FOXN2: variants seen among roughly 807,000 people sequenced by gnomAD.
The protein encoded by FOXN2 is forkhead box N2, also known as forkhead box protein N2.
FOXN2 carries 19 observed loss-of-function variants against 41.2 expected under a neutral mutation model. The observed-to-expected ratio is 0.46, with a 90% CI of 0.32 to 0.68. The LOEUF is 0.68. Among genes scored for constraint, FOXN2 ranks in the 30% least tolerant of loss-of-function variants. The pLI is 0.03. For synonymous variants in FOXN2, 195 were observed against 176.8 expected, an observed-to-expected ratio of 1.10 and a Z score of -0.82; for missense variants, 587 against 509.4, an observed-to-expected ratio of 1.15 and a Z score of -1.47.
intron 1 of FOXN2, among the ~76,000 whole-genome samples, chr2:48,321,049 T>G (rs1572692071): frequency 6.6e-6 from 1 of 152,176 alleles, no homozygotes; most frequent in African/African-American, 2.4e-5. Context: ...AGATACTGTT[T>G]CAGTTTTCTA....
intron 2 of FOXN2, among the ~76,000 whole-genome samples, chr2:48,338,601 G>A (rs929428598): frequency 2.6e-5 from 4 of 151,924 alleles, no homozygotes; most frequent in Admixed American, 6.6e-5. Flanking sequence ...GGGTTTCACC[G>A]TGCTAGTCAG....
chr2:48,345,245 G>C (rs2104365019), intron 2 of FOXN2, among the ~76,000 whole-genome samples: 2 of 152,242 alleles, frequency 1.3e-5, no homozygotes, highest in Admixed American at 1.3e-4. Flanking sequence ...ATTTAATTTA[G>C]CTAATGATAA....
chr2:48,375,836 C>G lies in FOXN2; in HGVS notation c.*393C>G, dbSNP rs1353238246. The stretch of plus-strand genomic sequence containing the variant: ...CCAATCTGTAACTATAGTTACTGAA[C>G]CAGCTAAAAATTTTGCTGATGTATT... On this transcript the variant is annotated 3_prime_UTR_variant, in exon 7 of 7. Coordinates refer to ENST00000340553, the MANE Select transcript of FOXN2 (RefSeq NM_002158.4). 6.3e-6 allele frequency: 1 copy of G among 158,576 alleles called. No homozygotes were observed. Among genetic ancestry groups the G allele is most frequent in the East Asian group, 1.8e-4 (1 of 5,406 alleles). The allele number at this position is 158,576 out of a possible 1,614,324, so 9.8% of individuals were successfully genotyped here. A position where few individuals can be genotyped will look rare whatever the true frequency, so the allele number is the denominator to read the frequency against.
At chr2:48,374,005 T>C (rs1407386139) in intron 6 of FOXN2, among the ~76,000 whole-genome samples, 1 of 148,910 alleles carries the variant, frequency 6.7e-6, no homozygotes, top group Non-Finnish European at 1.5e-5. Context: ...CAGTGAGCCA[T>C]GAGCACTGCA....
intron 1 of FOXN2, among the ~76,000 whole-genome samples, chr2:48,320,041 A>G (rs1669194402): frequency 6.6e-6 from 1 of 151,922 alleles, no homozygotes; most frequent in South Asian, 2.1e-4. Context: ...ATATCTTTGT[A>G]GTTTGTTTCT....
chr2:48,346,792 G>A (rs781081561), intron 3 of FOXN2, 41 bp downstream of exon 3: 26 of 1,481,734 alleles, frequency 1.8e-5, no homozygotes, highest in African/African-American at 2.8e-5. Flanking sequence ...TGAGGTGGGG[G>A]GACTAATTAA....
chr2:48,352,677 A>G (rs1323128859), intron 3 of FOXN2, among the ~76,000 whole-genome samples: 3 of 152,100 alleles, frequency 2.0e-5, no homozygotes, highest in East Asian at 1.9e-4. Context: ...CCAAGGATCT[A>G]TTTGGGTCTC....
chr2:48,367,826 A>G (rs62137015), intron 5 of FOXN2, among the ~76,000 whole-genome samples: 61,758 of 151,934 alleles, frequency 0.41, 13,137 homozygotes, highest in Non-Finnish European at 0.48. Flanking sequence ...CAAATTAACA[A>G]GTTTTTTAAA....
chr2:48,347,799 A>G (rs968726472), intron 3 of FOXN2, among the ~76,000 whole-genome samples: 2 of 152,122 alleles, frequency 1.3e-5, no homozygotes, highest in African/African-American at 4.8e-5. Context: ...TTTGCTGGCA[A>G]TGGTTATTTT....
chr2:48,360,887 G>A lies in FOXN2; in HGVS notation c.638+1740G>A, dbSNP rs1260295822. Among the ~76,000 whole-genome samples the A allele has an allele frequency of 2.7e-5, 4 of 150,272 alleles. No homozygotes were observed. In the South Asian group the frequency reaches 8.4e-4, roughly 32 times the overall value. On this transcript the variant is annotated intron_variant, in intron 4 of 6. Transcript: ENST00000340553. Reference sequence around the variant, plus strand: ...AATTAGCTGGGCATGGGTAGTGCACGCCTGTGGTCCCAGCTACTCAGGAGG... The same window carrying A: ...AATTAGCTGGGCATGGGTAGTGCACACCTGTGGTCCCAGCTACTCAGGAGG...
intron 5 of FOXN2, among the ~76,000 whole-genome samples, chr2:48,363,195 A>G (rs979518884): frequency 6.6e-5 from 10 of 152,154 alleles, no homozygotes; most frequent in African/African-American, 2.4e-4. Context: ...AGACAGTGAT[A>G]TTGATCTTGA....
rs1673327846 is a variant in FOXN2, at chr2:48,377,553, T to G, written c.*2110T>G. On this transcript the variant is annotated 3_prime_UTR_variant, in exon 7 of 7. Transcript: ENST00000340553. ...TTAGTTCCAGCTCTAATAGGGATCT[T>G]CAAAGTTATTTTGTCTTGATGTATG... 2 of 152,038 alleles carry G rather than the reference T, an allele frequency of 1.3e-5. No homozygotes were observed. Among genetic ancestry groups the G allele is most frequent in the African/African-American group, 2.4e-5 (1 of 41,434 alleles). The allele number at this position is 152,038 out of a possible 1,614,324, so 9.4% of individuals were successfully genotyped here. A position where few individuals can be genotyped will look rare whatever the true frequency, so the allele number is the denominator to read the frequency against.
chr2:48,354,490 C>G (rs941456299), intron 3 of FOXN2, among the ~76,000 whole-genome samples: 4 of 152,186 alleles, frequency 2.6e-5, no homozygotes, highest in Non-Finnish European at 5.9e-5. Flanking sequence ...ATCCCAGCTA[C>G]TTGGGAGGCT....
At chr2:48,362,411 A>T (rs1422719136) in intron 4 of FOXN2, among the ~76,000 whole-genome samples, 1 of 152,150 alleles carries the variant, frequency 6.6e-6, no homozygotes, top group African/African-American at 2.4e-5. Context: ...ACCAAAAAAA[A>T]TTAAAAAATT....
chr2:48,352,518 T>C (rs1161733096), intron 3 of FOXN2, among the ~76,000 whole-genome samples: 1 of 152,224 alleles, frequency 6.6e-6, no homozygotes, highest in Non-Finnish European at 1.5e-5. Flanking sequence ...TTAATCTCAT[T>C]AATTCCCATG....
chr2:48,345,966 A>G (rs1182601421), intron 2 of FOXN2, among the ~76,000 whole-genome samples: 6 of 152,170 alleles, frequency 3.9e-5, no homozygotes, highest in Non-Finnish European at 8.8e-5. Flanking sequence ...AATATCACCC[A>G]TACACCTGGT....
rs561158044 is a variant in FOXN2, at chr2:48,377,788, A to G, written c.*2345A>G. 1.3e-5 allele frequency: 2 copies of G among 152,172 alleles called. No homozygotes were observed. The highest frequency in any genetic ancestry group is 4.8e-5 in the African/African-American group (2 of 41,574). The allele number at this position is 152,172 out of a possible 1,614,324, so 9.4% of individuals were successfully genotyped here. A position where few individuals can be genotyped will look rare whatever the true frequency, so the allele number is the denominator to read the frequency against. The stretch of plus-strand genomic sequence containing the variant: ...CACTTGCTAACATACCAAGTCAGTT[A>G]TTTTCAAGGGAAGAACCTTTTAAAT... On this transcript the variant is annotated 3_prime_UTR_variant, in exon 7 of 7. Coordinates refer to ENST00000340553, the MANE Select transcript of FOXN2 (RefSeq NM_002158.4).
chr2:48,322,197 C>T (rs1669374480), intron 1 of FOXN2, among the ~76,000 whole-genome samples: 1 of 152,156 alleles, frequency 6.6e-6, no homozygotes, highest in African/African-American at 2.4e-5. Flanking sequence ...ATCTGCCTGC[C>T]CCGGTCTCCC....
intron 1 of FOXN2, among the ~76,000 whole-genome samples, chr2:48,325,297 T>G (rs187869299): frequency 6.6e-6 from 1 of 152,226 alleles, no homozygotes; most frequent in Non-Finnish European, 1.5e-5. Context: ...AGGGTTGTTA[T>G]GAATAAGATT....
Sources: allele counts gnomAD v4.1 joint callset (sites outside exome capture counted in the v4.1 genomes callset), GRCh38; gene constraint gnomAD v4.1.1; transcripts MANE v1.5; gene names NCBI Gene and HGNC (gene_info 2026-07-23, HGNC 2026-07-21).